Variants in EEFSEC observed in about 807,000 individuals in gnomAD.
EEFSEC encodes the protein eukaryotic elongation factor, selenocysteine-tRNA specific, also known as selenocysteine-specific elongation factor.
A neutral mutation model predicts 42.1 loss-of-function variants in EEFSEC; 43 were observed. The ratio of observed to expected loss-of-function variants is 1.02; its 90% CI spans 0.80 to 1.32. EEFSEC has a LOEUF of 1.32. EEFSEC is among the 40% of genes most tolerant of loss of function. EEFSEC has a pLI of 0.00. For missense variants in EEFSEC, 745 were observed against 803.6 expected (o/e 0.93, Z 0.88); for synonymous variants, 354 against 339.1 (o/e 1.04, Z -0.48).
At chr3:128,217,118 G>A (rs2065818570) in intron 1 of EEFSEC, among the ~76,000 whole-genome samples, 3 of 152,194 alleles carry the variant, frequency 2.0e-5, no homozygotes, top group Admixed American at 2.0e-4. Context: ...TCTCACCTCT[G>A]TAGATGCTAG....
the EEFSEC span, among the ~76,000 whole-genome samples, chr3:128,426,075 G>A: frequency 2.0e-5 from 3 of 152,194 alleles, no homozygotes; most frequent in African/African-American, 7.2e-5. Context: ...GTCCTACGCA[G>A]GAGGGGCTAC....
intron 4 of EEFSEC, among the ~76,000 whole-genome samples, chr3:128,326,952 A>G (rs1260771285): frequency 1.3e-5 from 2 of 152,180 alleles, no homozygotes; most frequent in Non-Finnish European, 2.9e-5. Context: ...ACAGAAATGC[A>G]CAGCACTGTT....
chr3:128,160,823 C>G (rs1055025940), intron 1 of EEFSEC, among the ~76,000 whole-genome samples: 1 of 152,182 alleles, frequency 6.6e-6, no homozygotes, highest in African/African-American at 2.4e-5. Context: ...CACACACACA[C>G]ACGAATCCTA....
chr3:128,166,165 C>A (rs2687728), intron 1 of EEFSEC, among the ~76,000 whole-genome samples: 22,807 of 152,218 alleles, frequency 0.15, 1,795 homozygotes, highest in Admixed American at 0.21. Context: ...GACAAGTAGA[C>A]CACAGGAAGA....
At chr3:128,246,461 CT>C (rs959999218) in intron 1 of EEFSEC, among the ~76,000 whole-genome samples, 26 of 150,774 alleles carry the variant, frequency 1.7e-4, no homozygotes, top group South Asian at 4.2e-4. Flanking sequence ...TAGTACGAAA[CT>C]TTTTTTTTTC....
intron 1 of EEFSEC, among the ~76,000 whole-genome samples, chr3:128,202,195 A>G (rs2065650502): frequency 6.6e-6 from 1 of 152,196 alleles, no homozygotes; most frequent in Non-Finnish European, 1.5e-5. Flanking sequence ...TATAAATTTT[A>G]GAAGCAGCTT....
chr3:128,351,603 G>C (rs1030227951), intron 5 of EEFSEC, among the ~76,000 whole-genome samples: 8 of 152,174 alleles, frequency 5.3e-5, no homozygotes, highest in Non-Finnish European at 8.8e-5. Context: ...GAATTAGAAT[G>C]GTCACTTCAC....
At chr3:128,207,732 T>C (rs1459753591) in intron 1 of EEFSEC, among the ~76,000 whole-genome samples, 1 of 152,214 alleles carries the variant, frequency 6.6e-6, no homozygotes, top group African/African-American at 2.4e-5. Context: ...CTGTTCAGAA[T>C]TTCCATTTGG....
chr3:128,225,654 G>A (rs1000312817), intron 1 of EEFSEC, among the ~76,000 whole-genome samples: 1 of 152,222 alleles, frequency 6.6e-6, no homozygotes, highest in East Asian at 1.9e-4. Flanking sequence ...CAGGGAGGAG[G>A]ACAGAGCACC....
intron 1 of EEFSEC, among the ~76,000 whole-genome samples, chr3:128,169,955 G>A (rs2065278492): frequency 2.0e-5 from 3 of 152,182 alleles, no homozygotes; most frequent in African/African-American, 4.8e-5. Flanking sequence ...AATGCATGGC[G>A]GTGGGGCAGG....
At chr3:128,411,795 G>A (rs776937041), downstream of EEFSEC, among the ~76,000 whole-genome samples, 1 of 152,218 alleles carries the variant, frequency 6.6e-6, no homozygotes, top group Non-Finnish European at 1.5e-5. Context: ...TCTCGTAAAC[G>A]GGAAGCCCTG....
At chr3:128,276,327 A>C (rs1028980067) in intron 4 of EEFSEC, among the ~76,000 whole-genome samples, 4 of 152,326 alleles carry the variant, frequency 2.6e-5, no homozygotes, top group African/African-American at 9.6e-5. Flanking sequence ...CCAAGGAATT[A>C]ACATTTGTGA....
chr3:128,358,404 G>A (rs757543812), intron 6 of EEFSEC, 31 bp downstream of exon 6: 3 of 1,612,744 alleles, frequency 1.9e-6, no homozygotes, highest in Non-Finnish European at 2.5e-6. Flanking sequence ...CCGGTTTAGG[G>A]ACACCGTGCA....
intron 6 of EEFSEC, among the ~76,000 whole-genome samples, chr3:128,388,183 C>T (rs573864804): frequency 6.6e-6 from 1 of 152,302 alleles, no homozygotes; most frequent in East Asian, 1.9e-4. Flanking sequence ...TTAGAGTCTT[C>T]CTTTTTTTAA....
chr3:128,404,041 G>A (rs2068080808), intron 6 of EEFSEC, among the ~76,000 whole-genome samples: 1 of 152,244 alleles, frequency 6.6e-6, no homozygotes, highest in Non-Finnish European at 1.5e-5. Flanking sequence ...GAGGCAGGTT[G>A]CGAGAAGCAG....
At chr3:128,270,325 G>A (rs1372567145) in intron 4 of EEFSEC, among the ~76,000 whole-genome samples, 3 of 152,170 alleles carry the variant, frequency 2.0e-5, no homozygotes, top group Non-Finnish European at 4.4e-5. Context: ...GTGAGTTATT[G>A]AAATGCAAAT....
chr3:128,419,870 C>T, the EEFSEC span, among the ~76,000 whole-genome samples: 14 of 152,178 alleles, frequency 9.2e-5, no homozygotes. Flanking sequence ...AGACAGATTG[C>T]AGGAGGAGGC....
At chr3:128,336,135 C>T (rs1330393604) in intron 4 of EEFSEC, among the ~76,000 whole-genome samples, 1 of 152,128 alleles carries the variant, frequency 6.6e-6, no homozygotes, top group Non-Finnish European at 1.5e-5. Flanking sequence ...CAGCTCCCCT[C>T]CCCTGAAGCT....
chr3:128,157,298 CAT>C, intron 1 of EEFSEC, among the ~76,000 whole-genome samples: 1 of 152,300 alleles, frequency 6.6e-6, no homozygotes, highest in Non-Finnish European at 1.5e-5. Context: ...ATCTCCAGAA[CAT>C]AAATGTACAA....
Sources: gnomAD v4.1 joint callset for allele counts (sites outside exome capture counted in the v4.1 genomes callset) on GRCh38, gnomAD v4.1.1 for gene constraint, MANE v1.5 for transcripts, NCBI Gene and HGNC (gene_info 2026-07-23, HGNC 2026-07-21) for gene names.